GPR149: variants seen among roughly 807,000 people sequenced by gnomAD.
GPR149 encodes G protein-coupled receptor 149.
Under a neutral mutation model 50.2 loss-of-function variants are expected in GPR149, and 50 were observed. That is an observed-to-expected ratio of 1.00 (90% CI 0.79 to 1.26). The LOEUF is 1.26. Ranked by LOEUF, GPR149 falls within the 50% of genes most tolerant of loss-of-function variation. GPR149 has a pLI of 0.00. For synonymous variants in GPR149, 405 were observed against 358.2 expected, an observed-to-expected ratio of 1.13 and a Z score of -1.48; for missense variants, 983 against 895.4, an observed-to-expected ratio of 1.10 and a Z score of -1.25.
At position 154,370,803 on chromosome 3, in the gene GPR149, T is replaced by A. The variant is rs113163911; in HGVS notation, c.1624-32532A>T. Among the ~76,000 whole-genome samples, 821 of 152,316 alleles carry A rather than the reference T, an allele frequency of 5.4e-3. 9 individuals are homozygous for A. Among genetic ancestry groups the A allele is most frequent in the African/African-American group, 0.018 (763 of 41,568 alleles). On this transcript the variant is annotated intron_variant, in intron 3 of 3. Transcript: ENST00000389740. ...CTATCCGAGGAATCTTAAGACAGCCTGTAACCAGGTATTTCTCTTGCCTCC... is the reference window on the plus strand; with the variant it reads ...CTATCCGAGGAATCTTAAGACAGCCAGTAACCAGGTATTTCTCTTGCCTCC...
intron 3 of GPR149, among the ~76,000 whole-genome samples, chr3:154,408,036 A>G (rs1711743269): frequency 6.6e-6 from 1 of 152,170 alleles, no homozygotes; most frequent in Non-Finnish European, 1.5e-5. Flanking sequence ...AAAATAAATG[A>G]TAGCATAGTT....
chr3:154,381,469 C>A (rs977465650), intron 3 of GPR149, among the ~76,000 whole-genome samples: 2 of 152,008 alleles, frequency 1.3e-5, no homozygotes, highest in African/African-American at 4.8e-5. Flanking sequence ...TTCTTGAGTG[C>A]CAAGAAAAAT....
intron 3 of GPR149, among the ~76,000 whole-genome samples, chr3:154,350,851 G>C (rs931451238): frequency 3.3e-5 from 5 of 152,134 alleles, no homozygotes; most frequent in Non-Finnish European, 7.4e-5. Context: ...GGCATAGTAT[G>C]TGTATATAAT....
At chr3:154,407,399 T>A (rs1404335056) in intron 3 of GPR149, among the ~76,000 whole-genome samples, 1 of 151,610 alleles carries the variant, frequency 6.6e-6, no homozygotes, top group Admixed American at 6.6e-5. Flanking sequence ...ACTCTTAATA[T>A]TTTTTCCTAC....
chr3:154,384,265 T>C (rs531229966), intron 3 of GPR149, among the ~76,000 whole-genome samples: 5 of 152,322 alleles, frequency 3.3e-5, no homozygotes, highest in African/African-American at 1.2e-4. Flanking sequence ...ATAGCTTCTA[T>C]ATGTTCAGGC....
At chr3:154,407,719 C>CACACACACACACACAT (rs759884952) in intron 3 of GPR149, among the ~76,000 whole-genome samples, 26 of 150,462 alleles carry the variant, frequency 1.7e-4, no homozygotes, top group African/African-American at 3.2e-4. Context: ...CACACACACA[C>CACACACACACACACAT]ATATATATAT....
At chr3:154,401,550 C>A (rs1437037047) in intron 3 of GPR149, among the ~76,000 whole-genome samples, 2 of 151,892 alleles carry the variant, frequency 1.3e-5, no homozygotes, top group Non-Finnish European at 2.9e-5. Context: ...AGTTGGATAC[C>A]TAAGGAGAAA....
rs1712390234 is a variant in GPR149 at position 154,428,813 on chromosome 3, G to A, written c.803C>T (p.Ser268Phe). Residue 268 changes from serine (S) to phenylalanine (F), a missense_variant, in exon 1 of 4, where the codon TCT becomes TTT. By Grantham distance (155) the Ser-to-Phe change is radical (BLOSUM62 -2). Coordinates refer to ENST00000389740, the MANE Select transcript of GPR149 (RefSeq NM_001038705.3). ...GPSLRRSGGCSPSSDTVFGPG... is the reference protein window; with the variant it reads ...GPSLRRSGGCFPSSDTVFGPG... ...TCCGAACACGGTGTCGGAGCTCGGA[G>A]AGCATCCCCCAGAGCGCCGCAGACT... 14 of 1,613,864 alleles carry A rather than the reference G, an allele frequency of 8.7e-6. No individual in the cohort carries two copies. The highest frequency in any genetic ancestry group is 1.2e-5 in the Non-Finnish European group (14 of 1,179,986).
intron 3 of GPR149, among the ~76,000 whole-genome samples, chr3:154,404,671 A>G (rs1395872626): frequency 6.6e-6 from 1 of 152,178 alleles, no homozygotes; most frequent in Non-Finnish European, 1.5e-5. Flanking sequence ...GAATCAGATA[A>G]CTGAAGTTTG....
intron 3 of GPR149, among the ~76,000 whole-genome samples, chr3:154,388,903 C>CACAA (rs1335635615): frequency 1.3e-5 from 2 of 151,236 alleles, no homozygotes; most frequent in Non-Finnish European, 2.9e-5. Context: ...CACACACACA[C>CACAA]AAAGAACCAC....
intron 3 of GPR149, among the ~76,000 whole-genome samples, chr3:154,406,822 C>T (rs950450957): frequency 2.2e-4 from 33 of 152,034 alleles, no homozygotes; most frequent in African/African-American, 5.8e-4. Context: ...ATGAATGAAG[C>T]GCATATGCCT....
intron 3 of GPR149, among the ~76,000 whole-genome samples, chr3:154,368,160 C>T (rs1714585690): frequency 6.6e-6 from 1 of 152,214 alleles, no homozygotes; most frequent in African/African-American, 2.4e-5. Flanking sequence ...ATGGCCCCGC[C>T]AGAGGCTCCC....
intron 3 of GPR149, among the ~76,000 whole-genome samples, chr3:154,408,157 A>C (rs373943877): frequency 6.6e-6 from 1 of 152,216 alleles, no homozygotes; most frequent in Non-Finnish European, 1.5e-5. Flanking sequence ...TTCCTATGCT[A>C]AATATAGAAA....
chr3:154,427,436 G>A (rs1712333790), intron 2 of GPR149, 80 bp downstream of exon 2: 4 of 1,288,398 alleles, frequency 3.1e-6, no homozygotes, highest in East Asian at 2.3e-5. Flanking sequence ...CCCCTACTGA[G>A]GCAACTTTGT....
chr3:154,356,781 C>T (rs960213096), intron 3 of GPR149, among the ~76,000 whole-genome samples: 2 of 152,074 alleles, frequency 1.3e-5, no homozygotes, highest in Non-Finnish European at 2.9e-5. Flanking sequence ...GATTCAATGC[C>T]ATCCCCATCA....
At chr3:154,419,190 G>T (rs1712070738) in intron 3 of GPR149, among the ~76,000 whole-genome samples, 1 of 151,936 alleles carries the variant, frequency 6.6e-6, no homozygotes, top group Non-Finnish European at 1.5e-5. Context: ...ATTTATAGCT[G>T]AAAGATACCT....
In GPR149 at chr3:154,428,882, G is replaced by T; in HGVS notation, c.734C>A (p.Ala245Glu). The T allele has an allele frequency of 1.2e-6, 2 of 1,613,974 alleles. No individual in the cohort carries two copies. Among genetic ancestry groups the T allele is most frequent in the East Asian group, 2.2e-5 (1 of 44,868 alleles). ...GASIPGTPPT[A>E]GRVVSLSPED... ...TGGGGACAGGGAAACCACTCTCCCC[G>T]CAGTAGGAGGGGTCCCAGGAATTGA... The change falls in exon 1 of 4, where the codon GCG becomes GAG. Residue 245 changes from alanine to glutamate, a missense_variant. Coordinates refer to ENST00000389740, the MANE Select transcript of GPR149 (RefSeq NM_001038705.3).
At chr3:154,376,887 A>G (rs1366588783) in intron 3 of GPR149, among the ~76,000 whole-genome samples, 1 of 152,192 alleles carries the variant, frequency 6.6e-6, no homozygotes, top group Non-Finnish European at 1.5e-5. Context: ...TTGCCTTTAC[A>G]TAATAAAAAG....
intron 3 of GPR149, among the ~76,000 whole-genome samples, chr3:154,382,728 C>G (rs950122167): frequency 4.6e-5 from 7 of 152,026 alleles, no homozygotes; most frequent in Non-Finnish European, 7.4e-5. Flanking sequence ...TTCATATACT[C>G]AAGAAGAATA....
Sources: gnomAD v4.1 joint callset for allele counts (sites outside exome capture counted in the v4.1 genomes callset) on GRCh38, gnomAD v4.1.1 for gene constraint, MANE v1.5 for transcripts, NCBI Gene and HGNC (gene_info 2026-07-23, HGNC 2026-07-21) for gene names.